XRCC4: variants seen among roughly 807,000 people sequenced by gnomAD.
XRCC4 encodes X-ray repair cross complementing 4, also known as DNA repair protein XRCC4.
In XRCC4, 28 loss-of-function variants were observed where a neutral mutation model predicts 39.1. The ratio of observed to expected loss-of-function variants is 0.72; its 90% CI spans 0.53 to 0.98. The LOEUF is 0.98. Ranked by LOEUF, XRCC4 falls within the 50% of genes least tolerant of loss-of-function variation. The pLI is 0.00. For missense variants in XRCC4, 350 were observed against 376.4 expected, an observed-to-expected ratio of 0.93 and a Z score of 0.58; for synonymous variants, 123 against 126.4, an observed-to-expected ratio of 0.97 and a Z score of 0.18.
At chr5:83,286,175 T>C (rs1754726348) in intron 7 of XRCC4, among the ~76,000 whole-genome samples, 1 of 152,108 alleles carries the variant, frequency 6.6e-6, no homozygotes, top group South Asian at 2.1e-4. Flanking sequence ...TCTGCGTGAA[T>C]TTCACTTTCC....
chr5:83,211,003 G>T (rs574690809), intron 6 of XRCC4, among the ~76,000 whole-genome samples: 1 of 152,134 alleles, frequency 6.6e-6, no homozygotes, highest in Non-Finnish European at 1.5e-5. Flanking sequence ...TTATTTTAAT[G>T]TTATTTGTCT....
At chr5:83,167,646 G>A (rs1284284161) in intron 3 of XRCC4, among the ~76,000 whole-genome samples, 2 of 152,156 alleles carry the variant, frequency 1.3e-5, no homozygotes, top group Non-Finnish European at 2.9e-5. Context: ...AGGAGGAGGA[G>A]ATGCACTTCT....
At chr5:83,182,344 T>C (rs1416592945) in intron 3 of XRCC4, among the ~76,000 whole-genome samples, 2 of 152,192 alleles carry the variant, frequency 1.3e-5, no homozygotes, top group East Asian at 1.9e-4. Context: ...TAAATAAATA[T>C]ATAGTATCCA....
intron 3 of XRCC4, among the ~76,000 whole-genome samples, chr5:83,143,622 G>T (rs1364753958): frequency 1.3e-5 from 2 of 151,972 alleles, no homozygotes; most frequent in South Asian, 2.1e-4. Context: ...TGTAGTACAG[G>T]CTGGCTGGCA....
intron 6 of XRCC4, among the ~76,000 whole-genome samples, chr5:83,229,563 G>A (rs895791732): frequency 6.6e-6 from 1 of 150,460 alleles, no homozygotes; most frequent in Admixed American, 6.7e-5. Context: ...TTAAAATTGA[G>A]TAGAAATAGG....
At chr5:83,272,793 A>G (rs1487145412) in intron 7 of XRCC4, among the ~76,000 whole-genome samples, 1 of 152,214 alleles carries the variant, frequency 6.6e-6, no homozygotes, top group Admixed American at 6.5e-5. Context: ...TCCATGGTGT[A>G]TATGTGCCAC....
chr5:83,320,281 G>A (rs1416058173), intron 7 of XRCC4, among the ~76,000 whole-genome samples: 5 of 146,984 alleles, frequency 3.4e-5, no homozygotes, highest in South Asian at 4.3e-4. Context: ...TGGGTGCAGC[G>A]CACCAGCATG....
chr5:83,215,304 A>G (rs1457578977), intron 6 of XRCC4, among the ~76,000 whole-genome samples: 1 of 152,166 alleles, frequency 6.6e-6, no homozygotes, highest in Non-Finnish European at 1.5e-5. Context: ...ACACCACTGC[A>G]GTCCAGCCTG....
At position 83,127,880 on chromosome 5, in the gene XRCC4, CT is replaced by C. The variant is rs59797411; in HGVS notation, c.315+16692del. ...CACTGGGTAGAGAATTCTAAGTTGA[CT>C]TTTTTTTTTTTTTTCAGTACTTTAA... On this transcript the variant is annotated intron_variant, in intron 3 of 7. Coordinates refer to ENST00000396027, the MANE Select transcript of XRCC4 (RefSeq NM_003401.5). Among the ~76,000 whole-genome samples, 808 of 134,050 alleles carry C rather than the reference CT, an allele frequency of 6.0e-3. 5 individuals are homozygous for C. The highest frequency in any genetic ancestry group is 0.019 in the Middle Eastern group (4 of 208). The allele number at this position is 134,050 out of a possible 152,430, so 87.9% of individuals were successfully genotyped here. A position where few individuals can be genotyped will look rare whatever the true frequency, so the allele number is the denominator to read the frequency against.
At chr5:83,103,362 C>G (rs146224996) in intron 1 of XRCC4, among the ~76,000 whole-genome samples, 15 of 151,852 alleles carry the variant, frequency 9.9e-5, no homozygotes, top group African/African-American at 3.6e-4. Flanking sequence ...CATTGTGTAC[C>G]CCTAATTTTA....
At chr5:83,181,686 A>G (rs1454654094) in intron 3 of XRCC4, among the ~76,000 whole-genome samples, 1 of 152,238 alleles carries the variant, frequency 6.6e-6, no homozygotes, top group African/African-American at 2.4e-5. Context: ...AAAAGGGAAC[A>G]CAGGTAAGCC....
chr5:83,288,994 A>AT (rs1356923336), intron 7 of XRCC4, among the ~76,000 whole-genome samples: 4 of 150,864 alleles, frequency 2.7e-5, no homozygotes, highest in East Asian at 1.9e-4. Flanking sequence ...AGTTTATATC[A>AT]TTTTTTGTTG....
chr5:83,170,858 G>C (rs573804222), intron 3 of XRCC4, among the ~76,000 whole-genome samples: 1 of 152,272 alleles, frequency 6.6e-6, no homozygotes, highest in South Asian at 2.1e-4. Context: ...GTATATACCA[G>C]CGGGCGGGAA....
chr5:83,110,934 C>A, intron 2 of XRCC4, 94 bp from the exon 3 acceptor site: 2 of 1,157,582 alleles, frequency 1.7e-6, no homozygotes, highest in Non-Finnish European at 2.4e-6. Flanking sequence ...ATTTCTGTTA[C>A]ATGTGATAAA....
At chr5:83,328,774 A>G (rs1366802468) in intron 7 of XRCC4, among the ~76,000 whole-genome samples, 2 of 152,118 alleles carry the variant, frequency 1.3e-5, no homozygotes, top group East Asian at 3.9e-4. Context: ...GTAAAGCAAG[A>G]TATTAGCACT....
chr5:83,318,199 G>A lies in XRCC4; in HGVS notation c.894-34932G>A, dbSNP rs535664142. 7.0e-4 allele frequency among the ~76,000 whole-genome samples: 100 copies of A among 142,108 alleles called. 6 individuals are homozygous for A. Among genetic ancestry groups the A allele is most frequent in the African/African-American group, 2.9e-3 (95 of 33,144 alleles). The allele number at this position is 142,108 out of a possible 152,430, so 93.2% of individuals were successfully genotyped here. A position where few individuals can be genotyped will look rare whatever the true frequency, so the allele number is the denominator to read the frequency against. The stretch of plus-strand genomic sequence containing the variant: ...TCAATGAATTAGGTGTTGATGGGAC[G>A]TATTTCAAAATAATAAGAGCTATCT... On this transcript the variant is annotated intron_variant, in intron 7 of 7. Coordinates refer to ENST00000396027, the MANE Select transcript of XRCC4 (RefSeq NM_003401.5).
chr5:83,089,196 A>C (rs1049521690), intron 1 of XRCC4, among the ~76,000 whole-genome samples: 7 of 152,208 alleles, frequency 4.6e-5, no homozygotes, highest in African/African-American at 1.7e-4. Context: ...TGCTTCATTC[A>C]AATGTTGGAG....
chr5:83,266,602 A>G (rs1317787072), intron 7 of XRCC4, among the ~76,000 whole-genome samples: 1 of 152,026 alleles, frequency 6.6e-6, no homozygotes, highest in Non-Finnish European at 1.5e-5. Context: ...AATTGTTACT[A>G]AAGGACAAAA....
rs954823353 is a variant in XRCC4 at position 83,347,599 on chromosome 5, G to C, written c.894-5532G>C. 7.2e-5 allele frequency among the ~76,000 whole-genome samples: 11 copies of C among 152,240 alleles called. No homozygotes were observed. In the East Asian group the frequency reaches 2.1e-3, roughly 29 times the overall value. ...CCATGATCCAGTCACTTCCCACCAG[G>C]CCACTCCTCCAACATTGGGGATTAC... is the stretch of plus-strand genomic sequence containing the variant. On this transcript the variant is annotated intron_variant, in intron 7 of 7. Transcript: ENST00000396027.
Sources: allele counts gnomAD v4.1 joint callset (sites outside exome capture counted in the v4.1 genomes callset), GRCh38; gene constraint gnomAD v4.1.1; transcripts MANE v1.5; gene names NCBI Gene and HGNC (gene_info 2026-07-23, HGNC 2026-07-21).